CIBAR2: variants seen among roughly 807,000 people sequenced by gnomAD.
CIBAR2 encodes CBY1-interacting BAR domain-containing protein 2.
Under a neutral mutation model 36.2 loss-of-function variants are expected in CIBAR2, and 38 were observed. The ratio of observed to expected loss-of-function variants is 1.05; its 90% CI spans 0.81 to 1.38. The LOEUF (loss-of-function observed/expected upper bound fraction) is 1.38, where lower values mean the gene tolerates loss of function less well. Among genes scored for constraint, CIBAR2 ranks in the 40% most tolerant of loss-of-function variants. The pLI is 0.00. For synonymous variants in CIBAR2, 182 were observed against 149.5 expected (o/e 1.22, Z -1.58); for missense variants, 481 against 383.4 (o/e 1.25, Z -2.13).
At chr16:85,104,499 G>C (rs952032735) in intron 6 of CIBAR2, among the ~76,000 whole-genome samples, 1 of 152,176 alleles carries the variant, frequency 6.6e-6, no homozygotes, top group African/African-American at 2.4e-5. Context: ...ATTGAGGTCA[G>C]GCGTTCGAGA....
Position 85,110,391 on chromosome 16 carries a change from C to G in CIBAR2, c.90G>C (p.Ser30=), listed in dbSNP as rs766643279. 1.9e-6 allele frequency: 3 copies of G among 1,613,486 alleles called. No individual in the cohort carries two copies. In the South Asian group the frequency reaches 3.3e-5, roughly 18 times the overall value. ...NTEKYFGQFC[S]LLAAYTRKTA... is the part of the protein sequence containing the mutation. ...TCTTGCGCGTGTAGGCGGCCAGCAG[C>G]GAGCAGAACTGCCCAAAGTACTTCT... The change falls in exon 2 of 9, where the codon TCG becomes TCC. Residue 30 remains serine, a synonymous_variant. Transcript: ENST00000539556.
At chr16:85,102,182 A>G in intron 7 of CIBAR2, 32 bp downstream of exon 7, 1 of 1,231,102 alleles carries the variant, frequency 8.1e-7, no homozygotes, top group Non-Finnish European at 1.2e-6. Context: ...GCCCCACTCC[A>G]CCATATAGGA....
In CIBAR2 at chr16:85,106,184, C is replaced by T. The variant is rs538096570; in HGVS notation, c.433-753G>A. 5.2e-4 allele frequency among the ~76,000 whole-genome samples: 79 copies of T among 152,186 alleles called. No homozygotes were observed. In the South Asian group the frequency reaches 0.016, roughly 30 times the overall value. The stretch of plus-strand genomic sequence containing the variant: ...ATCCAGGATAGAATCCGGAGGTGCT[C>T]GGGCAGGGCTGTGACCCACATTCGT... On this transcript the variant is annotated intron_variant, in intron 5 of 8. Transcript: ENST00000539556.
At position 85,099,797 on chromosome 16, in the gene CIBAR2, C is replaced by CT. The variant is rs71386075; in HGVS notation, c.753+341dup. Among the ~76,000 whole-genome samples the CT allele has an allele frequency of 4.8e-3, 375 of 77,478 alleles. 1 individual carries two copies. The highest frequency in any genetic ancestry group is 0.013 in the Middle Eastern group (1 of 80). The allele number at this position is 77,478 out of a possible 152,430, so 50.8% of individuals were successfully genotyped here. A position where few individuals can be genotyped will look rare whatever the true frequency, so the allele number is the denominator to read the frequency against. On this transcript the variant is annotated intron_variant, in intron 8 of 8. Transcript: ENST00000539556. ...CACCACCACACCCGGCTAATTTTTGCTTTTTTTTTTTTTTTTTTTTTTTTA... is the reference window on the plus strand; with the variant it reads ...CACCACCACACCCGGCTAATTTTTGCTTTTTTTTTTTTTTTTTTTTTTTTTA...
chr16:85,107,977 G>T (rs754633116), intron 3 of CIBAR2, 30 bp from the exon 4 acceptor site: 14 of 1,613,106 alleles, frequency 8.7e-6, no homozygotes, highest in African/African-American at 2.7e-5. Context: ...TTGTTTCCTG[G>T]GATCCCACAG....
chr16:85,107,686 T>A lies in CIBAR2; in HGVS notation c.427-14A>T. ...ACTCACCTGGGACTGAAAAACGTGC[T>A]GTTAAGGAACCAAGTTAAGCCCAGG... is the stretch of plus-strand genomic sequence containing the variant. On this transcript the variant is annotated splice_polypyrimidine_tract_variant and intron_variant, in intron 4 of 8. Coordinates refer to ENST00000539556, the MANE Select transcript of CIBAR2 (RefSeq NM_198491.3). 1 of 1,613,848 alleles carries A rather than the reference T, an allele frequency of 6.2e-7. No individual in the cohort carries two copies.
chr16:85,102,425 G>C, intron 6 of CIBAR2, 98 bp from the exon 7 acceptor site: 1 of 743,520 alleles, frequency 1.3e-6, no homozygotes, highest in East Asian at 2.5e-5. Context: ...GTGGAGGGCT[G>C]TCCGTGTGGG....
intron 5 of CIBAR2, among the ~76,000 whole-genome samples, chr16:85,105,814 G>A (rs1261171554): frequency 6.6e-6 from 1 of 152,204 alleles, no homozygotes; most frequent in Non-Finnish European, 1.5e-5. Flanking sequence ...ATTTCTGCAT[G>A]AGGAACACAT....
At chr16:85,105,651 C>T (rs914009097) in intron 5 of CIBAR2, among the ~76,000 whole-genome samples, 1 of 152,188 alleles carries the variant, frequency 6.6e-6, no homozygotes. Flanking sequence ...AGCTGTGTGA[C>T]CTCAGGCAAG....
rs781727943 is a variant in CIBAR2, at chr16:85,107,945, A to G, written c.327T>C (p.Ala109=). Residue 109 remains alanine (A), a splice_region_variant and synonymous_variant, in exon 4 of 9, where the codon GCT becomes GCC. Coordinates refer to ENST00000539556, the MANE Select transcript of CIBAR2 (RefSeq NM_198491.3). The stretch of plus-strand genomic sequence containing the variant: ...GGACATGTTTGAATTTCTTGATCTC[A>G]GCCTGCAGAAAAGGAGGAGGGTTGT... The part of the protein sequence containing the change: ...LYGAQIKQTR[A]EIKKFKHVQN... The G allele has an allele frequency of 6.2e-7, 1 of 1,614,100 alleles. No homozygotes were observed. Among genetic ancestry groups the G allele is most frequent in the Admixed American group, 1.7e-5 (1 of 60,030 alleles).
At chr16:85,102,073 T>G in intron 7 of CIBAR2, 141 bp downstream of exon 7, 2 of 607,572 alleles carry the variant, frequency 3.3e-6, no homozygotes, top group Non-Finnish European at 5.9e-6. Context: ...GGGCAGATAT[T>G]GACAACGCTT....
rs373556990 is a variant in CIBAR2 at position 85,107,826 on chromosome 16, C to A, written c.426+20G>T. On this transcript the variant is annotated intron_variant, in intron 4 of 8. Transcript: ENST00000539556. ...CACCCTGGCCCGGCAGCCCCAGGCC[C>A]CACTTCCAGGGAAGGATACGATCAT... 5.6e-6 allele frequency: 9 copies of A among 1,604,642 alleles called. No individual in the cohort carries two copies. Among genetic ancestry groups the A allele is most frequent in the Non-Finnish European group, 7.7e-6 (9 of 1,171,508 alleles).
Position 85,100,093 on chromosome 16 carries a change from G to A in CIBAR2, c.753+46C>T, listed in dbSNP as rs149810857. On this transcript the variant is annotated intron_variant, in intron 8 of 8. Coordinates refer to ENST00000539556, the MANE Select transcript of CIBAR2 (RefSeq NM_198491.3). ...GTTACTACCACGGGCCTTCCAGGCCGTGCACGACATTTTAGGTGTAACCCC... is the reference window on the plus strand; with the variant it reads ...GTTACTACCACGGGCCTTCCAGGCCATGCACGACATTTTAGGTGTAACCCC... 5.6e-3 allele frequency: 8,238 copies of A among 1,473,828 alleles called. 27 individuals carry two copies. Among genetic ancestry groups the A allele is most frequent in the Non-Finnish European group, 6.9e-3 (7,353 of 1,069,552 alleles). 91.3% of individuals were successfully genotyped at this position (1,473,828 alleles called of 1,614,324 possible).
chr16:85,109,525 G>GT (rs1202068759), intron 2 of CIBAR2, among the ~76,000 whole-genome samples: 1 of 152,142 alleles, frequency 6.6e-6, no homozygotes, highest in Non-Finnish European at 1.5e-5. Flanking sequence ...TCCATTCTTT[G>GT]TTTTTTGGTA....
In CIBAR2 at chr16:85,099,095, C is replaced by T; in HGVS notation, c.*90G>A. 1.4e-6 allele frequency: 2 copies of T among 1,407,316 alleles called. No homozygotes were observed. The highest frequency in any genetic ancestry group is 3.2e-5 in the South Asian group (2 of 62,274). The allele number at this position is 1,407,316 out of a possible 1,614,324, so 87.2% of individuals were successfully genotyped here. Reference sequence around the variant, plus strand: ...TTGAATTAACACAATCCAACAAAGACAAAGAAAAAAGAATCAGAAAATAAG... The same window carrying T: ...TTGAATTAACACAATCCAACAAAGATAAAGAAAAAAGAATCAGAAAATAAG... On this transcript the variant is annotated 3_prime_UTR_variant, in exon 9 of 9. Transcript: ENST00000539556.
chr16:85,110,079 G>A (rs892251691), intron 2 of CIBAR2, 147 bp downstream of exon 2: 4 of 591,118 alleles, frequency 6.8e-6, no homozygotes, highest in African/African-American at 5.7e-5. Context: ...CCCTGGAAAG[G>A]GTGTAAATGT....
Position 85,110,311 on chromosome 16 carries a change from G to T in CIBAR2, c.170C>A (p.Ala57Asp), listed in dbSNP as rs1411824626. The T allele has an allele frequency of 1.2e-6, 2 of 1,612,074 alleles. No homozygotes were observed. Among genetic ancestry groups the T allele is most frequent in the East Asian group, 4.5e-5 (2 of 44,842 alleles). The change falls in exon 2 of 9, where the codon GCC becomes GAC. Residue 57 changes from alanine to aspartate, a missense_variant. By Grantham distance (126) the Ala-to-Asp change is moderately radical. Coordinates refer to ENST00000539556, the MANE Select transcript of CIBAR2 (RefSeq NM_198491.3). ...DQLVKQLIDF[A>D]NSENPELRAT... ...CCGCAGCTCGGGGTTCTCGGAGTTG[G>T]CAAAGTCGATGAGCTGCTTGACCAG...
intron 8 of CIBAR2, 69 bp from the exon 9 acceptor site, chr16:85,099,415 C>G: frequency 2.3e-6 from 2 of 882,434 alleles, no homozygotes; most frequent in Non-Finnish European, 1.9e-6. Flanking sequence ...AATGTATGTA[C>G]CTAATCACCT....
intron 2 of CIBAR2, 63 bp downstream of exon 2, chr16:85,110,163 C>T: frequency 7.5e-7 from 1 of 1,332,010 alleles, no homozygotes. Context: ...GCCCTCAGGC[C>T]TGACCTTGGC....
Sources: gnomAD v4.1 joint callset for allele counts (sites outside exome capture counted in the v4.1 genomes callset) on GRCh38, gnomAD v4.1.1 for gene constraint, MANE v1.5 for transcripts, NCBI Gene and HGNC (gene_info 2026-07-23, HGNC 2026-07-21) for gene names.